CCZ1B: variants seen among roughly 807,000 people sequenced by gnomAD.
CCZ1B encodes CCZ1B vacuolar protein trafficking and biogenesis associated.
A neutral mutation model predicts 58.8 loss-of-function variants in CCZ1B; 25 were observed. The observed-to-expected ratio is 0.43, with a 90% CI of 0.31 to 0.59. The LOEUF is 0.59. CCZ1B is among the 20% of genes least tolerant of loss of function. The pLI is 0.12. For synonymous variants in CCZ1B, 66 were observed against 173.2 expected (o/e 0.38, Z 4.86); for missense variants, 180 against 501.5 (o/e 0.36, Z 6.12).
intron 6 of CCZ1B, among the ~76,000 whole-genome samples, chr7:6,821,386 G>A (rs1421393453): frequency 6.6e-6 from 1 of 152,236 alleles, no homozygotes; most frequent in African/African-American, 2.4e-5. Context: ...ATGTTGACGG[G>A]TAAGAGAGAA....
Position 6,824,152 on chromosome 7 carries a change from A to G in CCZ1B, c.327T>C (p.Pro109=). 6.8e-7 allele frequency: 1 copy of G among 1,462,992 alleles called. No individual in the cohort carries two copies. Among genetic ancestry groups the G allele is most frequent in the Non-Finnish European group, 9.2e-7 (1 of 1,089,916 alleles). 90.6% of individuals were successfully genotyped at this position (1,462,992 alleles called of 1,614,324 possible). ...CATCTTTACTCTGTTTTTCAATTATAGGATTCCGAACAACCTACAAAGTTT... is the reference window on the plus strand; with the variant it reads ...CATCTTTACTCTGTTTTTCAATTATGGGATTCCGAACAACCTACAAAGTTT... ...NFWMVMVVRN[P]IIEKQSKDGK... is the part of the protein sequence containing the mutation. Residue 109 remains proline, a synonymous_variant, in exon 4 of 15, where the codon CCT becomes CCC. Coordinates refer to ENST00000316731, the MANE Select transcript of CCZ1B (RefSeq NM_198097.5).
chr7:6,823,528 T>C (rs1219646947), intron 4 of CCZ1B, among the ~76,000 whole-genome samples, 168 bp from the exon 5 acceptor site: 1 of 141,520 alleles, frequency 7.1e-6, no homozygotes. Flanking sequence ...TTTTTTTTTT[T>C]TTTTTTTTGA....
In CCZ1B at chr7:6,816,137, A is replaced by G. The variant is rs1489211977; in HGVS notation, c.699-1292T>C. 2.7e-5 allele frequency among the ~76,000 whole-genome samples: 4 copies of G among 147,548 alleles called. 1 individual carries two copies. The Admixed American group carries it at 2.7e-4, about 10-fold the overall frequency. On this transcript the variant is annotated intron_variant, in intron 7 of 14. Coordinates refer to ENST00000316731, the MANE Select transcript of CCZ1B (RefSeq NM_198097.5). The stretch of plus-strand genomic sequence containing the variant: ...TCTGGAACCGGTTTTTTAAAAGGAG[A>G]CAGACAATGAGGCTGGATCTGGGCG...
Position 6,814,819 on chromosome 7 carries a change from C to G in CCZ1B, c.725G>C (p.Arg242Thr). Residue 242 changes from arginine to threonine, a missense_variant, in exon 8 of 15, where the codon AGA becomes ACA. Coordinates refer to ENST00000316731, the MANE Select transcript of CCZ1B (RefSeq NM_198097.5). The part of the protein sequence containing the change: ...IWSGLEQDDM[R>T]ILYKYLTTSL... ...GGTGGTAAGGTATTTGTATAAAATT[C>G]TCATGTCATCTTGTTCTAATCCACT... 6.2e-7 allele frequency: 1 copy of G among 1,606,750 alleles called. No individual in the cohort carries two copies. The highest frequency in any genetic ancestry group is 8.5e-7 in the Non-Finnish European group (1 of 1,177,970).
Position 6,826,170 on chromosome 7 carries a change from TCCCGGC to T in CCZ1B, c.22_27del (p.Ala8_Gly9del). 1.8e-6 allele frequency: 1 copy of T among 559,118 alleles called. No homozygotes were observed. The highest frequency in any genetic ancestry group is 3.0e-6 in the Non-Finnish European group (1 of 334,056). 34.6% of individuals were successfully genotyped at this position (559,118 alleles called of 1,614,324 possible). A position where few individuals can be genotyped will look rare whatever the true frequency, so the allele number is the denominator to read the frequency against. On this transcript the variant is annotated inframe_deletion, in exon 1 of 15. Transcript: ENST00000316731. ...TTCTCCTGGGCCGCCCAGGGCCCGC[TCCCGGC>T]CCCGGCCGCCGCTGCAGCCATCCCG... is the stretch of plus-strand genomic sequence containing the variant.
Position 6,815,176 on chromosome 7 carries a change from T to TC in CCZ1B, c.699-332_699-331insG, listed in dbSNP as rs554919545. 9.9e-5 allele frequency among the ~76,000 whole-genome samples: 14 copies of TC among 142,070 alleles called. No individual in the cohort carries two copies. The East Asian group carries it at 2.7e-3, about 28-fold the overall frequency. The allele number at this position is 142,070 out of a possible 152,430, so 93.2% of individuals were successfully genotyped here. ...ATTAAAAAAAAATTTTTTTTTCTTT[T>TC]TTTTTTTTGAGACAAGGTCTTGCTC... On this transcript the variant is annotated intron_variant, in intron 7 of 14. Coordinates refer to ENST00000316731, the MANE Select transcript of CCZ1B (RefSeq NM_198097.5).
chr7:6,823,154 A>C (rs1583558100), intron 5 of CCZ1B, among the ~76,000 whole-genome samples, 159 bp downstream of exon 5: 2 of 149,206 alleles, frequency 1.3e-5, no homozygotes, highest in African/African-American at 5.1e-5. Flanking sequence ...ATGTAGGCAT[A>C]AACCTCACTA....
intron 6 of CCZ1B, among the ~76,000 whole-genome samples, chr7:6,820,471 C>A (rs1783090673): frequency 2.0e-5 from 3 of 149,020 alleles, no homozygotes; most frequent in African/African-American, 7.6e-5. Flanking sequence ...GCCACCACGC[C>A]TGGCCAAAAA....
In CCZ1B at chr7:6,812,973, T is replaced by C. The variant is rs776147010; in HGVS notation, c.842+3A>G. ...ATCATAAATCAAAGAACAGAAGTCC[T>C]ACCTTCCATAGTGTTGAAGATTTCC... On this transcript the variant is annotated splice_donor_region_variant and intron_variant, in intron 9 of 14. Transcript: ENST00000316731. 14 of 1,573,376 alleles carry C rather than the reference T, an allele frequency of 8.9e-6. No individual in the cohort carries two copies. Among genetic ancestry groups the C allele is most frequent in the Non-Finnish European group, 1.2e-5 (14 of 1,156,998 alleles).
chr7:6,825,620 G>A (rs1738826427), intron 1 of CCZ1B, among the ~76,000 whole-genome samples: 1 of 97,190 alleles, frequency 1.0e-5, no homozygotes, highest in Admixed American at 1.2e-4. Context: ...TGAGAAAGTC[G>A]CCGTCCCCAC....
In CCZ1B at chr7:6,819,762, C is replaced by G; in HGVS notation, c.698+4G>C. On this transcript the variant is annotated splice_donor_region_variant and intron_variant, in intron 7 of 14. Coordinates refer to ENST00000316731, the MANE Select transcript of CCZ1B (RefSeq NM_198097.5). ...TTTAATACCATGCCTCGGGGTGTAC[C>G]TACCAGATGAGCTGATCGTTATAGA... 2.0e-6 allele frequency: 3 copies of G among 1,479,306 alleles called. No homozygotes were observed. Among genetic ancestry groups the G allele is most frequent in the Non-Finnish European group, 2.8e-6 (3 of 1,081,912 alleles). The allele number at this position is 1,479,306 out of a possible 1,614,324, so 91.6% of individuals were successfully genotyped here.
intron 12 of CCZ1B, among the ~76,000 whole-genome samples, chr7:6,804,024 G>A (rs1313903829): frequency 6.7e-5 from 10 of 149,530 alleles, no homozygotes; most frequent in South Asian, 2.2e-4. Context: ...CAGCCTTTTA[G>A]TAACTTCTCA....
chr7:6,805,885 CG>C, intron 11 of CCZ1B, 118 bp downstream of exon 11: 1 of 1,467,724 alleles, frequency 6.8e-7, no homozygotes, highest in Non-Finnish European at 9.5e-7. Context: ...AGTGAAACCC[CG>C]TCTCCAACAA....
In CCZ1B at chr7:6,811,099, T is replaced by C. The variant is rs1160995986; in HGVS notation, c.954+853A>G. Among the ~76,000 whole-genome samples, 2 of 151,392 alleles carry C rather than the reference T, an allele frequency of 1.3e-5. 1 individual carries two copies. On this transcript the variant is annotated intron_variant, in intron 10 of 14. Coordinates refer to ENST00000316731, the MANE Select transcript of CCZ1B (RefSeq NM_198097.5). ...AGCCGTGGGCCTGTCTGTGCAAGGA[T>C]GGGGGAAGGGGAGGCTGACTGGCCT...
At chr7:6,815,815 T>C (rs1332269767) in intron 7 of CCZ1B, among the ~76,000 whole-genome samples, 2 of 148,634 alleles carry the variant, frequency 1.3e-5, no homozygotes, top group South Asian at 4.3e-4. Context: ...TGTAGGATTA[T>C]GCAGGAAACC....
Position 6,819,939 on chromosome 7 carries a change from A to G in CCZ1B, c.525T>C (p.Tyr175=), listed in dbSNP as rs1783081295. Reference sequence around the variant, plus strand: ...ATGACTGCAAATGTAGCGTTTGCAAATACTGTGGAAAAAAAATAAGGCATA... The same window carrying G: ...ATGACTGCAAATGTAGCGTTTGCAAGTACTGTGGAAAAAAAATAAGGCATA... ...KERLEKFFHR[Y]LQTLHLQSCD... The change falls in exon 7 of 15, where the codon TAT becomes TAC. Residue 175 remains tyrosine (Y), a splice_region_variant and synonymous_variant. Transcript: ENST00000316731. 1.2e-6 allele frequency: 2 copies of G among 1,606,262 alleles called. No individual in the cohort carries two copies. The highest frequency in any genetic ancestry group is 2.8e-5 in the African/African-American group (2 of 71,800).
At chr7:6,803,962 AC>A (rs1227133119) in intron 12 of CCZ1B, among the ~76,000 whole-genome samples, 1 of 144,376 alleles carries the variant, frequency 6.9e-6, no homozygotes, top group Non-Finnish European at 1.5e-5. Flanking sequence ...AAAAAAAAAA[AC>A]CCAAAAAACA....
chr7:6,805,824 C>G (rs1214200835), intron 11 of CCZ1B, 180 bp downstream of exon 11: 1 of 572,966 alleles, frequency 1.7e-6, no homozygotes, highest in South Asian at 2.1e-5. Context: ...ATCACTTGAA[C>G]CCAGGAGGTC....
chr7:6,808,392 A>AAAAAAAC (rs1442328531), intron 10 of CCZ1B, among the ~76,000 whole-genome samples: 1 of 65,682 alleles, frequency 1.5e-5, no homozygotes, highest in Non-Finnish European at 3.2e-5. Flanking sequence ...ACCAAAAAAA[A>AAAAAAAC]AAAAAACAAA....
Sources: allele counts gnomAD v4.1 joint callset (sites outside exome capture counted in the v4.1 genomes callset), GRCh38; gene constraint gnomAD v4.1.1; transcripts MANE v1.5; gene names NCBI Gene and HGNC (gene_info 2026-07-23, HGNC 2026-07-21).